The following TRMT10A variants were observed in gnomAD, a reference collection of about 807,000 sequenced individuals.
TRMT10A encodes tRNA methyltransferase 10 homolog A.
TRMT10A carries 37 observed loss-of-function variants against 40.4 expected under a neutral mutation model. The ratio of observed to expected loss-of-function variants is 0.92; its 90% confidence interval spans 0.71 to 1.21. The LOEUF (loss-of-function observed/expected upper bound fraction) is 1.21, where lower values mean the gene tolerates loss of function less well. TRMT10A is among the 50% of genes most tolerant of loss of function. The pLI, the probability that TRMT10A is intolerant of heterozygous loss-of-function variation, is 0.00. For synonymous variants in TRMT10A, 103 were observed against 134.1 expected (o/e 0.77, Z 1.60); for missense variants, 388 against 404.3 (o/e 0.96, Z 0.35).
At chr4:99,557,219 T>G in intron 4 of TRMT10A, 126 bp downstream of exon 4, 1 of 862,998 alleles carries the variant, frequency 1.2e-6, no homozygotes, top group South Asian at 2.2e-5. Flanking sequence ...AAAAAAATTT[T>G]TTTCACATAG....
At chr4:99,554,470 C>A (rs1217533078) in intron 5 of TRMT10A, among the ~76,000 whole-genome samples, 3 of 152,058 alleles carry the variant, frequency 2.0e-5, no homozygotes, top group Non-Finnish European at 4.4e-5. Context: ...TGCCTGTAAT[C>A]CCAGCACTTT....
chr4:99,559,488 A>C (rs939030011), intron 1 of TRMT10A, 127 bp from the exon 2 acceptor site: 2 of 641,872 alleles, frequency 3.1e-6, no homozygotes, highest in Non-Finnish European at 5.1e-6. Context: ...ATTTAATTGT[A>C]AATATCATTT....
intron 1 of TRMT10A, among the ~76,000 whole-genome samples, chr4:99,559,703 C>T (rs1385989869): frequency 6.6e-6 from 1 of 151,996 alleles, no homozygotes; most frequent in African/African-American, 2.4e-5. Flanking sequence ...GAAATGCACA[C>T]AAAAATGTGC....
At chr4:99,561,119 A>T (rs1462757155) in intron 1 of TRMT10A, among the ~76,000 whole-genome samples, 2 of 151,912 alleles carry the variant, frequency 1.3e-5, no homozygotes, top group Non-Finnish European at 2.9e-5. Flanking sequence ...AGCGCGCGCC[A>T]CCACGCCTGG....
intron 1 of TRMT10A, among the ~76,000 whole-genome samples, chr4:99,562,732 G>A (rs1272256525): frequency 6.6e-6 from 1 of 151,800 alleles, no homozygotes; most frequent in Admixed American, 6.5e-5. Flanking sequence ...TCACCACGTT[G>A]GCCTGGATGG....
At chr4:99,563,750 T>A (rs1322111081) in intron 1 of TRMT10A, 163 bp downstream of exon 1, 2 of 431,540 alleles carry the variant, frequency 4.6e-6, no homozygotes, top group Non-Finnish European at 8.9e-6. Context: ...GTCATCGACG[T>A]CATTTCCTTC....
chr4:99,560,500 G>A (rs1724344870), intron 1 of TRMT10A, among the ~76,000 whole-genome samples: 1 of 151,984 alleles, frequency 6.6e-6, no homozygotes, highest in Admixed American at 6.5e-5. Flanking sequence ...GAGCAGTAAA[G>A]ACTTGGATAA....
intron 5 of TRMT10A, among the ~76,000 whole-genome samples, chr4:99,554,254 C>T (rs751790690): frequency 2.6e-5 from 4 of 152,136 alleles, no homozygotes; most frequent in Non-Finnish European, 5.9e-5. Context: ...GGGATAAAAT[C>T]TGAAATCCTT....
chr4:99,555,686 T>C (rs1300216798), intron 5 of TRMT10A, among the ~76,000 whole-genome samples: 1 of 152,220 alleles, frequency 6.6e-6, no homozygotes, highest in African/African-American at 2.4e-5. Flanking sequence ...AAATCCAGTA[T>C]GTATTTCACA....
chr4:99,548,844 A>G lies in TRMT10A; in HGVS notation c.*244T>C, dbSNP rs1413135717. 6 of 362,556 alleles carry G rather than the reference A, an allele frequency of 1.7e-5. No homozygotes were observed. Among genetic ancestry groups the G allele is most frequent in the Non-Finnish European group, 2.9e-5 (6 of 204,970 alleles). 22.5% of individuals were successfully genotyped at this position (362,556 alleles called of 1,614,324 possible). A position where few individuals can be genotyped will look rare whatever the true frequency, so the allele number is the denominator to read the frequency against. ...CAGTAAAATTATCTAGAAACTACTG[A>G]GGCTTTAAAAACAAAAACAAAAAAA... On this transcript the variant is annotated 3_prime_UTR_variant, in exon 8 of 8. Transcript: ENST00000394876.
chr4:99,548,551 AATT>A lies in TRMT10A; in HGVS notation c.*534_*536del, dbSNP rs553436736. On this transcript the variant is annotated 3_prime_UTR_variant, in exon 8 of 8. Transcript: ENST00000394876. Reference sequence around the variant, plus strand: ...TGCGCTCCATAGTCCAAAAGAAATGAATTATTAAGTCTATCAAACTGATACTTC... The same window carrying A: ...TGCGCTCCATAGTCCAAAAGAAATGAATTAAGTCTATCAAACTGATACTTC... 55 of 152,468 alleles carry A rather than the reference AATT, an allele frequency of 3.6e-4. No individual in the cohort carries two copies. The highest frequency in any genetic ancestry group is 1.2e-3 in the African/African-American group (51 of 41,578). The allele number at this position is 152,468 out of a possible 1,614,324, so 9.4% of individuals were successfully genotyped here. A position where few individuals can be genotyped will look rare whatever the true frequency, so the allele number is the denominator to read the frequency against.
At position 99,559,185 on chromosome 4, in the gene TRMT10A, T is replaced by C; in HGVS notation, c.154A>G (p.Lys52Glu). The change falls in exon 2 of 8, where the codon AAA (lysine) becomes GAA (glutamate). Residue 52 changes from lysine to glutamate, a missense_variant. Lys to Glu is a moderately conservative substitution (Grantham distance 56). Coordinates refer to ENST00000394876, the MANE Select transcript of TRMT10A (RefSeq NM_001134665.3). ...KRQMKKLIKQ[K>E]QWEEQRELRK... ...AGTTCCCGTTGCTCTTCCCATTGTTTCTGTTTTATTAGTTTTTTCATTTGT... is the reference window on the plus strand; with the variant it reads ...AGTTCCCGTTGCTCTTCCCATTGTTCCTGTTTTATTAGTTTTTTCATTTGT... The C allele has an allele frequency of 1.2e-6, 2 of 1,613,152 alleles. No individual in the cohort carries two copies. Among genetic ancestry groups the C allele is most frequent in the Non-Finnish European group, 1.7e-6 (2 of 1,179,408 alleles).
intron 4 of TRMT10A, among the ~76,000 whole-genome samples, chr4:99,556,987 C>T (rs544741314): frequency 3.3e-5 from 5 of 152,132 alleles, no homozygotes; most frequent in Non-Finnish European, 5.9e-5. Context: ...ATATGTCAAG[C>T]GGTGGCAGCC....
intron 4 of TRMT10A, among the ~76,000 whole-genome samples, 153 bp from the exon 5 acceptor site, chr4:99,556,373 C>T (rs530137620): frequency 6.6e-6 from 1 of 152,078 alleles, no homozygotes; most frequent in South Asian, 2.1e-4. Flanking sequence ...ATGCTTTGAG[C>T]AAACAATAAA....
chr4:99,561,303 A>T (rs1724383214), intron 1 of TRMT10A, among the ~76,000 whole-genome samples: 1 of 152,134 alleles, frequency 6.6e-6, no homozygotes, highest in Admixed American at 6.5e-5. Context: ...AATGTTTTAC[A>T]GGTCATGTAC....
chr4:99,557,821 CTCTT>C (rs1724225226), intron 3 of TRMT10A: 2 of 467,336 alleles, frequency 4.3e-6, no homozygotes, highest in African/African-American at 4.1e-5. Context: ...GTGTTTGTCT[CTCTT>C]TCCTGTCTGC....
At position 99,553,893 on chromosome 4, in the gene TRMT10A, C is replaced by G; in HGVS notation, c.537G>C (p.Lys179Asn). The change falls in exon 6 of 8, where the codon AAG becomes AAC. Residue 179 changes from lysine (K) to asparagine (N), a missense_variant. By Grantham distance (94) the Lys-to-Asn change is moderately conservative. Transcript: ENST00000394876. ...IKPEHYSELI[K>N]KEDLIYLTSD... ...ACGTAAGGTAAATCAGGTCTTCTTT[C>G]TTTATGAGTTCACTATAGTGCTCTG... 4 of 1,613,374 alleles carry G rather than the reference C, an allele frequency of 2.5e-6. No homozygotes were observed. The highest frequency in any genetic ancestry group is 3.4e-6 in the Non-Finnish European group (4 of 1,179,716).
chr4:99,552,723 A>G (rs1396466353), intron 6 of TRMT10A, among the ~76,000 whole-genome samples: 1 of 152,192 alleles, frequency 6.6e-6, no homozygotes, highest in Admixed American at 6.5e-5. Context: ...ATAACTGACA[A>G]GTTTTATTTT....
intron 7 of TRMT10A, among the ~76,000 whole-genome samples, chr4:99,549,561 G>A (rs1243474127): frequency 6.6e-6 from 1 of 152,000 alleles, no homozygotes; most frequent in Non-Finnish European, 1.5e-5. Flanking sequence ...CTTTTTCTCA[G>A]TTCAGTTCTT....
Sources: gnomAD v4.1 joint callset for allele counts (sites outside exome capture counted in the v4.1 genomes callset) on GRCh38, gnomAD v4.1.1 for gene constraint, MANE v1.5 for transcripts, NCBI Gene and HGNC (gene_info 2026-07-23, HGNC 2026-07-21) for gene names.